The following RBM47 variants were observed in gnomAD, a reference collection of about 807,000 sequenced individuals.
RBM47 encodes the protein RNA-binding protein 47.
Under a neutral mutation model 47.1 loss-of-function variants are expected in RBM47, and 21 were observed. The ratio of observed to expected loss-of-function variants is 0.45; its 90% CI spans 0.32 to 0.64. The LOEUF is 0.64. Among genes scored for constraint, RBM47 ranks in the 30% least tolerant of loss-of-function variants. The pLI is 0.05. For synonymous variants in RBM47, 375 were observed against 361.7 expected (o/e 1.04, Z -0.42); for missense variants, 708 against 870.9 (o/e 0.81, Z 2.35).
intron 2 of RBM47, among the ~76,000 whole-genome samples, chr4:40,523,981 A>G (rs758264672): frequency 1.3e-5 from 2 of 152,160 alleles, no homozygotes; most frequent in Non-Finnish European, 2.9e-5. Flanking sequence ...ATATTTTCAT[A>G]TATGTTCCAT....
At chr4:40,456,553 T>A (rs1347592150) in intron 3 of RBM47, among the ~76,000 whole-genome samples, 1 of 144,744 alleles carries the variant, frequency 6.9e-6, no homozygotes, top group East Asian at 2.0e-4. Context: ...TTTCTTTTTT[T>A]TTTTTCTTTT....
intron 1 of RBM47, among the ~76,000 whole-genome samples, chr4:40,622,566 C>G (rs892300693): frequency 3.3e-5 from 5 of 152,152 alleles, no homozygotes; most frequent in African/African-American, 1.2e-4. Context: ...AGGGGACTGA[C>G]ACGAGCTGAC....
intron 2 of RBM47, among the ~76,000 whole-genome samples, chr4:40,472,015 G>A (rs1354542826): frequency 1.3e-5 from 2 of 152,140 alleles, no homozygotes; most frequent in Non-Finnish European, 2.9e-5. Context: ...TGAACCATAT[G>A]AAATTGCTAT....
chr4:40,510,186 T>G (rs1317919769), intron 2 of RBM47, among the ~76,000 whole-genome samples: 1 of 20,428 alleles, frequency 4.9e-5, no homozygotes, highest in Non-Finnish European at 9.5e-5. Context: ...AAACTCCATC[T>G]CAAAAAAAAA....
At chr4:40,535,423 A>G in intron 2 of RBM47, among the ~76,000 whole-genome samples, 1 of 127,538 alleles carries the variant, frequency 7.8e-6, no homozygotes, top group Non-Finnish European at 1.6e-5. Flanking sequence ...CCCAGGCTGG[A>G]GTGCAGTGGC....
chr4:40,605,326 G>A lies in RBM47; in HGVS notation c.-240+24070C>T, dbSNP rs543038627. On this transcript the variant is annotated intron_variant, in intron 1 of 6. Transcript: ENST00000295971. Reference sequence around the variant, plus strand: ...AGGCGTGAACCACTCTGCCCGGCGCGCCACATGGCTCTTACAAAAGTGCAT... The same window carrying A: ...AGGCGTGAACCACTCTGCCCGGCGCACCACATGGCTCTTACAAAAGTGCAT... 6.6e-5 allele frequency among the ~76,000 whole-genome samples: 10 copies of A among 151,970 alleles called. No homozygotes were observed. The East Asian group carries it at 1.8e-3, about 27-fold the overall frequency.
At chr4:40,427,779 T>C (rs151055371) in intron 6 of RBM47, among the ~76,000 whole-genome samples, 240 of 152,228 alleles carry the variant, frequency 1.6e-3, no homozygotes, top group Non-Finnish European at 2.4e-3. Flanking sequence ...AGTTCCAAAA[T>C]TGTGCTCAAA....
chr4:40,591,531 C>T (rs939961903), intron 1 of RBM47, among the ~76,000 whole-genome samples: 2 of 151,916 alleles, frequency 1.3e-5, no homozygotes, highest in Non-Finnish European at 2.9e-5. Flanking sequence ...CCCATCTCAA[C>T]TAAAAATACA....
chr4:40,480,586 T>G (rs1435408499), intron 2 of RBM47, among the ~76,000 whole-genome samples: 1 of 152,182 alleles, frequency 6.6e-6, no homozygotes, highest in Non-Finnish European at 1.5e-5. Context: ...CCCTTTAATG[T>G]TCAATGAATG....
At chr4:40,508,952 G>A (rs1209405929) in intron 2 of RBM47, among the ~76,000 whole-genome samples, 1 of 152,154 alleles carries the variant, frequency 6.6e-6, no homozygotes, top group African/African-American at 2.4e-5. Context: ...CCTGAGGTCA[G>A]GAGTTCGAGA....
intron 4 of RBM47, 23 bp downstream of exon 4, chr4:40,437,748 C>G: frequency 6.3e-7 from 1 of 1,577,678 alleles, no homozygotes; most frequent in Middle Eastern, 1.7e-4. Flanking sequence ...GGGGCCCCAC[C>G]CAGGAGAAGA....
intron 2 of RBM47, among the ~76,000 whole-genome samples, chr4:40,478,783 G>C (rs1719997651): frequency 1.3e-5 from 2 of 152,134 alleles, no homozygotes; most frequent in South Asian, 4.1e-4. Context: ...CCCATGCCCA[G>C]CCTACTTTTT....
At chr4:40,488,310 A>G (rs1174794147) in intron 2 of RBM47, among the ~76,000 whole-genome samples, 1 of 134,226 alleles carries the variant, frequency 7.5e-6, no homozygotes, top group East Asian at 2.5e-4. Context: ...AGCCTAGGTG[A>G]CAGAGCGAGA....
At chr4:40,566,537 C>A (rs1291241824) in intron 1 of RBM47, among the ~76,000 whole-genome samples, 1 of 151,882 alleles carries the variant, frequency 6.6e-6, no homozygotes, top group Non-Finnish European at 1.5e-5. Context: ...CCCAGCTACT[C>A]AGGAGGCTGA....
At chr4:40,529,188 C>T (rs142710741) in intron 2 of RBM47, among the ~76,000 whole-genome samples, 1 of 151,852 alleles carries the variant, frequency 6.6e-6, no homozygotes, top group Non-Finnish European at 1.5e-5. Flanking sequence ...TTCCATTAAC[C>T]CCATCATAAG....
Position 40,569,561 on chromosome 4 carries a change from C to T in RBM47, c.-239-25055G>A, listed in dbSNP as rs565806186. ...AGTAGCTGGGACTACAGGCGCCCAC[C>T]ACCACACCCGGCTAATTTTTTGTAT... On this transcript the variant is annotated intron_variant, in intron 1 of 6. Coordinates refer to ENST00000295971, the MANE Select transcript of RBM47 (RefSeq NM_001098634.2). 6.1e-5 allele frequency among the ~76,000 whole-genome samples: 9 copies of T among 147,050 alleles called. No homozygotes were observed. In the South Asian group the frequency reaches 6.5e-4, roughly 11 times the overall value.
chr4:40,458,140 A>G (rs1293171294), intron 3 of RBM47, among the ~76,000 whole-genome samples: 1 of 152,250 alleles, frequency 6.6e-6, no homozygotes, highest in African/African-American at 2.4e-5. Flanking sequence ...GTTATATTAC[A>G]CATGAATACA....
chr4:40,473,017 T>A (rs1719134827), intron 2 of RBM47, among the ~76,000 whole-genome samples: 1 of 152,130 alleles, frequency 6.6e-6, no homozygotes, highest in Non-Finnish European at 1.5e-5. Context: ...TCCAACGATG[T>A]CCCTCATGAA....
chr4:40,558,719 T>C (rs1392671994), intron 1 of RBM47, among the ~76,000 whole-genome samples: 2 of 151,690 alleles, frequency 1.3e-5, no homozygotes, highest in South Asian at 2.1e-4. Flanking sequence ...TTCCAGCTAA[T>C]TGGGAGGCTG....
Sources: allele counts gnomAD v4.1 joint callset (sites outside exome capture counted in the v4.1 genomes callset), GRCh38; gene constraint gnomAD v4.1.1; transcripts MANE v1.5; gene names NCBI Gene and HGNC (gene_info 2026-07-23, HGNC 2026-07-21).